The following NLGN4X variants were observed in gnomAD, a reference collection of about 807,000 sequenced individuals.
NLGN4X encodes neuroligin-4, X-linked.
Under a neutral mutation model 40.3 loss-of-function variants are expected in NLGN4X, and 3 were observed. The observed-to-expected ratio is 0.07, with a 90% CI of 0.03 to 0.19. NLGN4X has a LOEUF of 0.19. NLGN4X is among the 10% of genes least tolerant of loss of function. The probability of loss-of-function intolerance (pLI) is 1.00; values close to 1 mark genes in which losing one functional copy is unlikely to be tolerated. For missense variants in NLGN4X, 382 were observed against 708.3 expected (o/e 0.54, Z 5.23); for synonymous variants, 270 against 306.8 (o/e 0.88, Z 1.25).
chrX:6,015,716 C>G (rs907096883), intron 3 of NLGN4X, among the ~76,000 whole-genome samples: 3 of 111,616 alleles, frequency 2.7e-5, no homozygotes, highest in African/African-American at 9.8e-5. Flanking sequence ...GCACTCTATC[C>G]TAATACCCTT....
At chrX:5,956,386 T>C (rs995987222) in intron 3 of NLGN4X, among the ~76,000 whole-genome samples, 2 of 111,001 alleles carry the variant, frequency 1.8e-5, no homozygotes, top group Non-Finnish European at 3.8e-5. Flanking sequence ...CATACACACA[T>C]TGATAACTTC....
At chrX:5,995,264 T>C (rs1022900935) in intron 3 of NLGN4X, among the ~76,000 whole-genome samples, 1 of 112,306 alleles carries the variant, frequency 8.9e-6, no homozygotes, top group African/African-American at 3.2e-5. Context: ...TACACAAAAT[T>C]GCCTCTGTGT....
chrX:6,106,252 A>G (rs781331163), intron 2 of NLGN4X, among the ~76,000 whole-genome samples: 1 of 111,767 alleles, frequency 8.9e-6, no homozygotes, highest in East Asian at 2.8e-4. Flanking sequence ...CAAATTGTAG[A>G]TAAGGGACTC....
intron 1 of NLGN4X, among the ~76,000 whole-genome samples, chrX:6,211,276 A>G: frequency 8.9e-6 from 1 of 111,961 alleles, no homozygotes; most frequent in East Asian, 2.8e-4. Context: ...CAATGCCCCT[A>G]TAATGAAGAA....
At chrX:6,079,365 G>C (rs1482824779) in intron 2 of NLGN4X, among the ~76,000 whole-genome samples, 4 of 112,165 alleles carry the variant, frequency 3.6e-5, no homozygotes, top group Non-Finnish European at 7.5e-5. Flanking sequence ...GTAATCTCAT[G>C]ACCCTACTGT....
At chrX:6,179,562 T>C (rs764703182) in intron 1 of NLGN4X, among the ~76,000 whole-genome samples, 55 of 112,332 alleles carry the variant, frequency 4.9e-4, no homozygotes, top group Non-Finnish European at 8.1e-4. Context: ...GAAACCTAAA[T>C]GTCAGAATTT....
chrX:6,151,140 C>G lies in NLGN4X; in HGVS notation c.327G>C (p.Val109=). 1 of 1,211,627 alleles carries G rather than the reference C, an allele frequency of 8.3e-7. No individual in the cohort carries two copies. Among genetic ancestry groups the G allele is most frequent in the South Asian group, 1.8e-5 (1 of 56,972 alleles). The change falls in exon 2 of 6, where the codon GTG becomes GTC. Residue 109 remains valine (V), a synonymous_variant. Transcript: ENST00000381095. ...GIRNTTQFAA[V]CPQHLDERSL... ...ATCTCTCATCCAGGTGCTGGGGGCA[C>G]ACAGCAGCAAACTGAGTAGTATTTC...
rs1200257733 is a variant in NLGN4X at position 6,054,083 on chromosome X, A to G, written c.473-24651T>C. ...AGTTAAGAAGCAATGGCTATCCCCA[A>G]GTGAAATCATTACAGCTGCCACTTA... On this transcript the variant is annotated intron_variant, in intron 2 of 5. Coordinates refer to ENST00000381095, the MANE Select transcript of NLGN4X (RefSeq NM_181332.3). Among the ~76,000 whole-genome samples, 23 of 112,385 alleles carry G rather than the reference A, an allele frequency of 2.0e-4. No homozygotes were observed. The Admixed American group carries it at 2.2e-3, about 11-fold the overall frequency.
At chrX:6,065,388 G>A (rs2037885013) in intron 2 of NLGN4X, among the ~76,000 whole-genome samples, 1 of 110,224 alleles carries the variant, frequency 9.1e-6, no homozygotes, top group Admixed American at 9.8e-5. Flanking sequence ...AGAAAAGAGA[G>A]AAGAGTGGAT....
chrX:5,933,239 T>C (rs932337518), intron 3 of NLGN4X, among the ~76,000 whole-genome samples: 1 of 111,949 alleles, frequency 8.9e-6, no homozygotes, highest in Admixed American at 9.6e-5. Context: ...GTAAGAATTC[T>C]GAAAAATATA....
rs766700208 is a variant in NLGN4X at position 6,094,128 on chromosome X, T to A, written c.472+56867A>T. On this transcript the variant is annotated intron_variant, in intron 2 of 5. Transcript: ENST00000381095. The stretch of plus-strand genomic sequence containing the variant: ...ACGTCACACAAATCTCACTTAACAC[T>A]TAATAGACAAATACTGAAATACTGT... 4.5e-5 allele frequency among the ~76,000 whole-genome samples: 5 copies of A among 111,188 alleles called. No homozygotes were observed. The South Asian group carries it at 1.9e-3, about 42-fold the overall frequency.
At chrX:6,042,274 T>A (rs1421851054) in intron 2 of NLGN4X, among the ~76,000 whole-genome samples, 1 of 111,548 alleles carries the variant, frequency 9.0e-6, no homozygotes, top group Non-Finnish European at 1.9e-5. Context: ...CTTTTACAGG[T>A]AGGAATCAAA....
At chrX:6,042,730 T>TATGTATATATAC (rs1215396694) in intron 2 of NLGN4X, among the ~76,000 whole-genome samples, 8 of 20,153 alleles carry the variant, frequency 4.0e-4, no homozygotes, top group Non-Finnish European at 7.3e-4. Context: ...TATATATATA[T>TATGTATATATAC]ACACACACAC....
chrX:6,023,284 C>G (rs986931135), intron 3 of NLGN4X, among the ~76,000 whole-genome samples: 1 of 111,647 alleles, frequency 9.0e-6, no homozygotes, highest in Admixed American at 9.5e-5. Context: ...AAACCAGTAT[C>G]GATTGAATGG....
chrX:6,151,487 T>C lies in NLGN4X; in HGVS notation c.-21A>G, dbSNP rs765878677. ...GACATGGTTCAAATCTGCATCCACA[T>C]CCACAGCTGTCCCAGTGATGTGGCT... On this transcript the variant is annotated 5_prime_UTR_variant, in exon 2 of 6. The change abolishes an upstream ATG in the 5' untranslated region. Transcript: ENST00000381095. The C allele has an allele frequency of 6.0e-5, 70 of 1,160,630 alleles. No individual in the cohort carries two copies. In the South Asian group the frequency reaches 1.2e-3, roughly 21 times the overall value.
chrX:5,900,167 G>C (rs2031761936), intron 5 of NLGN4X, among the ~76,000 whole-genome samples: 1 of 112,640 alleles, frequency 8.9e-6, no homozygotes, highest in African/African-American at 3.2e-5. Flanking sequence ...AAGATACGCT[G>C]AAGTCATAAC....
At chrX:5,923,594 G>C (rs911652560) in intron 3 of NLGN4X, among the ~76,000 whole-genome samples, 1 of 112,058 alleles carries the variant, frequency 8.9e-6, no homozygotes, top group Non-Finnish European at 1.9e-5. Context: ...CAACAGAAGA[G>C]AGCTTATGCA....
intron 1 of NLGN4X, among the ~76,000 whole-genome samples, chrX:6,224,913 C>T (rs969097106): frequency 2.0e-5 from 2 of 98,734 alleles, no homozygotes; most frequent in Non-Finnish European, 4.0e-5. Flanking sequence ...AAGTAATTTT[C>T]CACTTGCTAC....
At chrX:6,138,372 A>G (rs760106145) in intron 2 of NLGN4X, among the ~76,000 whole-genome samples, 2 of 111,751 alleles carry the variant, frequency 1.8e-5, no homozygotes, top group Non-Finnish European at 3.8e-5. Flanking sequence ...TAAGACTTCC[A>G]AAGCTATGTA....
Sources: allele counts gnomAD v4.1 joint callset (sites outside exome capture counted in the v4.1 genomes callset), GRCh38; gene constraint gnomAD v4.1.1; transcripts MANE v1.5; gene names NCBI Gene and HGNC (gene_info 2026-07-23, HGNC 2026-07-21).